Variants in EXOC4 observed in about 807,000 individuals in gnomAD.
EXOC4 encodes the protein exocyst complex component 4.
A neutral mutation model predicts 107.2 loss-of-function variants in EXOC4; 71 were observed. That is an observed-to-expected ratio of 0.66 (90% confidence interval 0.55 to 0.81). The LOEUF (loss-of-function observed/expected upper bound fraction) is 0.81. Ranked by LOEUF, EXOC4 falls within the 30% of genes least tolerant of loss-of-function variation. EXOC4 has a pLI of 0.00. For synonymous variants in EXOC4, 456 were observed against 441.2 expected, an observed-to-expected ratio of 1.03 and a Z score of -0.42; for missense variants, 1,108 against 1,189.6, an observed-to-expected ratio of 0.93 and a Z score of 1.01.
intron 10 of EXOC4, among the ~76,000 whole-genome samples, chr7:133,659,115 G>A (rs868804262): frequency 6.6e-5 from 9 of 136,832 alleles, no homozygotes; most frequent in South Asian, 2.4e-4. Context: ...TGCCCTCAAA[G>A]CATTAGTCAT....
At chr7:134,040,963 T>A (rs778238618) in intron 17 of EXOC4, among the ~76,000 whole-genome samples, 5 of 152,178 alleles carry the variant, frequency 3.3e-5, no homozygotes, top group Non-Finnish European at 5.9e-5. Flanking sequence ...CTGTGACACA[T>A]GATCAGCTGG....
intron 9 of EXOC4, among the ~76,000 whole-genome samples, chr7:133,496,627 C>G (rs139429323): frequency 6.6e-6 from 1 of 152,170 alleles, no homozygotes; most frequent in Admixed American, 6.5e-5. Context: ...GGTATCTCCT[C>G]TCTTTCAACT....
At chr7:133,920,696 A>G (rs952688912) in intron 13 of EXOC4, among the ~76,000 whole-genome samples, 3 of 152,226 alleles carry the variant, frequency 2.0e-5, no homozygotes, top group Non-Finnish European at 2.9e-5. Context: ...CTGTTGGATC[A>G]AGTAAGAATT....
chr7:133,777,010 A>G (rs1390022319), intron 10 of EXOC4, among the ~76,000 whole-genome samples: 1 of 152,194 alleles, frequency 6.6e-6, no homozygotes, highest in Non-Finnish European at 1.5e-5. Context: ...AGGAGCTTTA[A>G]ATTTGTTCTA....
intron 1 of EXOC4, among the ~76,000 whole-genome samples, chr7:133,257,756 T>G (rs1795052012): frequency 6.6e-6 from 1 of 152,226 alleles, no homozygotes; most frequent in Non-Finnish European, 1.5e-5. Context: ...GGCTCACATT[T>G]TCATCAACTT....
At chr7:133,833,547 T>C (rs1283452977) in intron 11 of EXOC4, among the ~76,000 whole-genome samples, 1 of 152,186 alleles carries the variant, frequency 6.6e-6, no homozygotes, top group Non-Finnish European at 1.5e-5. Flanking sequence ...GCTTCCAGCT[T>C]GCACACTTTT....
chr7:133,983,366 A>T (rs1422709822), intron 14 of EXOC4, among the ~76,000 whole-genome samples: 1 of 152,226 alleles, frequency 6.6e-6, no homozygotes, highest in Non-Finnish European at 1.5e-5. Context: ...TTTATGAGTG[A>T]TGCAGCTGCC....
At chr7:133,509,105 GT>G (rs1799718893) in intron 9 of EXOC4, among the ~76,000 whole-genome samples, 1 of 152,078 alleles carries the variant, frequency 6.6e-6, no homozygotes, top group Non-Finnish European at 1.5e-5. Context: ...ATTTCTCAGT[GT>G]TTTCTGCAGT....
intron 13 of EXOC4, among the ~76,000 whole-genome samples, chr7:133,918,826 T>G (rs1408130255): frequency 1.3e-5 from 2 of 152,128 alleles, no homozygotes; most frequent in Non-Finnish European, 2.9e-5. Flanking sequence ...TTTGCCTAAG[T>G]GAATGAATAA....
At chr7:133,409,629 G>C (rs1248076451) in intron 7 of EXOC4, among the ~76,000 whole-genome samples, 1 of 152,136 alleles carries the variant, frequency 6.6e-6, no homozygotes, top group Admixed American at 6.5e-5. Flanking sequence ...TTTTCTTACT[G>C]TGGAAAATAT....
rs569371263 is a variant in EXOC4 at position 133,952,362 on chromosome 7, TC to T, written c.2206+14295del. On this transcript the variant is annotated intron_variant, in intron 14 of 17. Transcript: ENST00000253861. ...CTACCCAAGCTTCAGCTGGGCATCC[TC>T]CACAGGGGTGACAATGATCTGGTTA... Among the ~76,000 whole-genome samples, 32 of 152,276 alleles carry T rather than the reference TC, an allele frequency of 2.1e-4. No homozygotes were observed. In the South Asian group the frequency reaches 4.1e-3, roughly 20 times the overall value.
At chr7:133,971,386 A>G (rs1801229661) in intron 14 of EXOC4, among the ~76,000 whole-genome samples, 2 of 143,180 alleles carry the variant, frequency 1.4e-5, no homozygotes, top group South Asian at 4.6e-4. Context: ...AGAGAGAGAG[A>G]GAGAGAGAGA....
At chr7:133,325,136 C>G (rs1036844496) in intron 5 of EXOC4, among the ~76,000 whole-genome samples, 1 of 152,204 alleles carries the variant, frequency 6.6e-6, no homozygotes, top group African/African-American at 2.4e-5. Context: ...CTGAATACAG[C>G]ACACTGATGG....
chr7:133,830,162 A>G (rs1797779620), intron 11 of EXOC4, among the ~76,000 whole-genome samples: 1 of 152,194 alleles, frequency 6.6e-6, no homozygotes, highest in African/African-American at 2.4e-5. Context: ...TCTTTGCCCC[A>G]TTTCAACCAC....
intron 11 of EXOC4, among the ~76,000 whole-genome samples, chr7:133,834,327 A>C (rs773959197): frequency 4.6e-5 from 7 of 152,122 alleles, no homozygotes; most frequent in Non-Finnish European, 7.3e-5. Context: ...CTCATTACAG[A>C]CACCCCTTCC....
At position 133,817,458 on chromosome 7, in the gene EXOC4, G is replaced by A. The variant is rs149782824; in HGVS notation, c.1648G>A (p.Gly550Arg). 7,442 of 1,614,118 alleles carry A rather than the reference G, an allele frequency of 4.6e-3. 27 individuals are homozygous for A. Among genetic ancestry groups the A allele is most frequent in the Non-Finnish European group, 5.2e-3 (6,089 of 1,179,986 alleles). The part of the protein sequence containing the change: ...VLAEINKEIE[G>R]VTKTSDPLKI... The stretch of plus-strand genomic sequence containing the variant: ...GGCTGAGATCAACAAGGAGATTGAA[G>A]GAGTCACTAAAACATCTGACCCTTT... The change falls in exon 11 of 18, where the codon GGA becomes AGA. Residue 550 changes from glycine (G) to arginine (R), a missense_variant. Physicochemically the swap from Gly to Arg is moderately radical, Grantham distance 125 (BLOSUM62 -2). Transcript: ENST00000253861.
chr7:133,595,922 A>G (rs534357253), intron 9 of EXOC4, among the ~76,000 whole-genome samples: 26 of 152,222 alleles, frequency 1.7e-4, no homozygotes, highest in Non-Finnish European at 3.5e-4. Context: ...TCTCCTACAG[A>G]GCCAAATACC....
intron 5 of EXOC4, among the ~76,000 whole-genome samples, chr7:133,319,165 TTTAA>T (rs1408196080): frequency 6.6e-6 from 1 of 152,228 alleles, no homozygotes; most frequent in African/African-American, 2.4e-5. Context: ...AAATAAAAAA[TTTAA>T]TTATTTATGA....
At chr7:133,895,877 G>A (rs1799296006) in intron 12 of EXOC4, 142 bp downstream of exon 12, 1 of 865,342 alleles carries the variant, frequency 1.2e-6, no homozygotes, top group Non-Finnish European at 1.8e-6. Context: ...CATGGAAATA[G>A]CCTCCTAGAC....
Sources: allele counts gnomAD v4.1 joint callset (sites outside exome capture counted in the v4.1 genomes callset), GRCh38; gene constraint gnomAD v4.1.1; transcripts MANE v1.5; gene names NCBI Gene and HGNC (gene_info 2026-07-23, HGNC 2026-07-21).